The following B3GALT5 variants were observed in gnomAD, a reference collection of about 807,000 sequenced individuals.
B3GALT5 encodes the protein beta-1,3-galactosyltransferase 5.
For synonymous variants in B3GALT5, 156 were observed against 158.6 expected (o/e 0.98, Z 0.12); for missense variants, 328 against 396.6 (o/e 0.83, Z 1.47).
At position 39,656,902 on chromosome 21, in the gene B3GALT5, T is replaced by C. The variant is rs79789983; in HGVS notation, c.-160-2851T>C. ...CAAAATGTACCCAGCAACCAGCTTGTGCACAGTTCTCTGGGGTTTCAGGAG... is the reference window on the plus strand; with the variant it reads ...CAAAATGTACCCAGCAACCAGCTTGCGCACAGTTCTCTGGGGTTTCAGGAG... On this transcript the variant is annotated intron_variant, in intron 2 of 3. Transcript: ENST00000684187. Among the ~76,000 whole-genome samples the C allele has an allele frequency of 6.0e-3, 917 of 152,328 alleles. 10 individuals carry two copies. Among genetic ancestry groups the C allele is most frequent in the African/African-American group, 0.021 (878 of 41,578 alleles).
In B3GALT5 at chr21:39,669,223, G is replaced by A. The variant is rs539088888; in HGVS notation, c.*7731G>A. On this transcript the variant is annotated 3_prime_UTR_variant, in exon 4 of 4. Transcript: ENST00000684187. Reference sequence around the variant, plus strand: ...CAGAATATGTGAAAATCTGAATGAGGTAAAAGAAGTTGGAGCTGGAAGATG... The same window carrying A: ...CAGAATATGTGAAAATCTGAATGAGATAAAAGAAGTTGGAGCTGGAAGATG... The A allele has an allele frequency of 2.0e-5, 3 of 152,116 alleles. No homozygotes were observed. The highest frequency in any genetic ancestry group is 7.2e-5 in the African/African-American group (3 of 41,400). 9.4% of individuals were successfully genotyped at this position (152,116 alleles called of 1,614,324 possible). A position where few individuals can be genotyped will look rare whatever the true frequency, so the allele number is the denominator to read the frequency against.
At chr21:39,620,990 T>C (rs1204751696) in intron 1 of B3GALT5, among the ~76,000 whole-genome samples, 1 of 152,190 alleles carries the variant, frequency 6.6e-6, no homozygotes, top group African/African-American at 2.4e-5. Context: ...ACAGGTTAGG[T>C]ACAATGGCTC....
intron 1 of B3GALT5, among the ~76,000 whole-genome samples, chr21:39,621,301 T>C (rs2079132999): frequency 6.6e-6 from 1 of 152,204 alleles, no homozygotes; most frequent in African/African-American, 2.4e-5. Flanking sequence ...AATCATAGAC[T>C]TTTTCTTCCT....
chr21:39,652,338 A>G (rs2079403891), intron 2 of B3GALT5, among the ~76,000 whole-genome samples: 1 of 152,272 alleles, frequency 6.6e-6, no homozygotes, highest in African/African-American at 2.4e-5. Flanking sequence ...GCCTCTGGCA[A>G]GGTAGACCTT....
chr21:39,620,420 G>A (rs1420362855), intron 1 of B3GALT5, among the ~76,000 whole-genome samples: 1 of 152,170 alleles, frequency 6.6e-6, no homozygotes, highest in Non-Finnish European at 1.5e-5. Context: ...TAAATGTGAT[G>A]CATTTTCTAT....
chr21:39,665,817 CA>C lies in B3GALT5; in HGVS notation c.*4326del, dbSNP rs1350992832. On this transcript the variant is annotated 3_prime_UTR_variant, in exon 4 of 4. Coordinates refer to ENST00000684187, the MANE Select transcript of B3GALT5 (RefSeq NM_001356336.2). Reference sequence around the variant, plus strand: ...TTGCACTTACCAATTTCTAACAAAGCATGTAATATCTGTTTATTATAACATA... The same window carrying C: ...TTGCACTTACCAATTTCTAACAAAGCTGTAATATCTGTTTATTATAACATA... 2 of 152,242 alleles carry C rather than the reference CA, an allele frequency of 1.3e-5. No homozygotes were observed. Among genetic ancestry groups the C allele is most frequent in the African/African-American group, 4.8e-5 (2 of 41,456 alleles). 9.4% of individuals were successfully genotyped at this position (152,242 alleles called of 1,614,324 possible).
rs562630103 is a variant in B3GALT5, at chr21:39,671,901, G to A, written c.*10409G>A. The A allele has an allele frequency of 3.9e-5, 6 of 152,284 alleles. No homozygotes were observed. Among genetic ancestry groups the A allele is most frequent in the Admixed American group, 2.6e-4 (4 of 15,300 alleles). 9.4% of individuals were successfully genotyped at this position (152,284 alleles called of 1,614,324 possible). On this transcript the variant is annotated 3_prime_UTR_variant, in exon 4 of 4. Transcript: ENST00000684187. ...GGGAACCTGTCCACCCTCTGCACAG[G>A]GCAAGAGCCACGCCAACAGGAGGAA...
rs978863817 is a variant in B3GALT5 at position 39,663,799 on chromosome 21, G to A, written c.*2307G>A. On this transcript the variant is annotated 3_prime_UTR_variant, in exon 4 of 4. Transcript: ENST00000684187. ...GGACCTTCCCAGCTTGTTTGTTGCA[G>A]AAGGAGGGTTCCAGCTCAGCGTGGG... 1 of 152,272 alleles carries A rather than the reference G, an allele frequency of 6.6e-6. No homozygotes were observed. The highest frequency in any genetic ancestry group is 2.4e-5 in the African/African-American group (1 of 41,444). 9.4% of individuals were successfully genotyped at this position (152,272 alleles called of 1,614,324 possible).
intron 1 of B3GALT5, among the ~76,000 whole-genome samples, chr21:39,632,031 G>A (rs1295233693): frequency 6.6e-6 from 1 of 152,220 alleles, no homozygotes. Context: ...GGAGGTGATG[G>A]ATTGCCACTG....
chr21:39,621,959 G>C (rs989182099), intron 1 of B3GALT5, among the ~76,000 whole-genome samples: 1 of 151,682 alleles, frequency 6.6e-6, no homozygotes, highest in Admixed American at 6.6e-5. Context: ...AATGTTTATT[G>C]CTCTTTTTTC....
intron 1 of B3GALT5, among the ~76,000 whole-genome samples, chr21:39,637,221 G>A (rs942291833): frequency 5.9e-5 from 9 of 152,328 alleles, no homozygotes; most frequent in Admixed American, 2.0e-4. Context: ...GGGGCATTGT[G>A]GCAGATGTCT....
At chr21:39,613,422 T>C (rs2079091171) in intron 1 of B3GALT5, among the ~76,000 whole-genome samples, 1 of 152,096 alleles carries the variant, frequency 6.6e-6, no homozygotes, top group South Asian at 2.1e-4. Flanking sequence ...TGGCCTAATC[T>C]TAAGCAACAA....
At chr21:39,654,949 T>C (rs1481897731) in intron 2 of B3GALT5, among the ~76,000 whole-genome samples, 1 of 152,258 alleles carries the variant, frequency 6.6e-6, no homozygotes, top group Non-Finnish European at 1.5e-5. Flanking sequence ...AAGTATTTGC[T>C]CTTTTATGAT....
At chr21:39,618,271 C>T (rs2035787696) in intron 1 of B3GALT5, among the ~76,000 whole-genome samples, 1 of 152,188 alleles carries the variant, frequency 6.6e-6, no homozygotes, top group African/African-American at 2.4e-5. Flanking sequence ...CATTCTTATA[C>T]ATATCTCCTT....
chr21:39,625,357 G>T (rs1285618047), intron 1 of B3GALT5, among the ~76,000 whole-genome samples: 1 of 152,188 alleles, frequency 6.6e-6, no homozygotes, highest in Non-Finnish European at 1.5e-5. Context: ...CACCTCGGTT[G>T]ACCCGGCTGC....
At chr21:39,630,031 A>G (rs977287107) in intron 1 of B3GALT5, among the ~76,000 whole-genome samples, 1 of 152,214 alleles carries the variant, frequency 6.6e-6, no homozygotes, top group Non-Finnish European at 1.5e-5. Flanking sequence ...TATATTCTCA[A>G]TAAAATTTTT....
chr21:39,627,281 C>A (rs1404430690), intron 1 of B3GALT5, among the ~76,000 whole-genome samples: 1 of 152,146 alleles, frequency 6.6e-6, no homozygotes, highest in Non-Finnish European at 1.5e-5. Flanking sequence ...GGGGAACGAG[C>A]AGGAAGTTTA....
chr21:39,660,950 CTG>C lies in B3GALT5; in HGVS notation c.392_393del (p.Leu131HisfsTer33). ...QKDFLDVYYNLTLKTMMGIEW... is the reference protein window; with the variant it reads ...QKDFLDVYYNXTLKTMMGIEW... ...GGATTTCCTAGACGTCTATTACAAT[CTG>C]ACCCTGAAGACCATGATGGGCATAG... On this transcript the variant is annotated frameshift_variant, in exon 4 of 4. Coordinates refer to ENST00000684187, the MANE Select transcript of B3GALT5 (RefSeq NM_001356336.2). LOFTEE classifies it low-confidence loss of function (END_TRUNC). The C allele has an allele frequency of 6.2e-7, 1 of 1,606,738 alleles. No homozygotes were observed. Among genetic ancestry groups the C allele is most frequent in the African/African-American group, 1.3e-5 (1 of 74,842 alleles).
intron 2 of B3GALT5, among the ~76,000 whole-genome samples, chr21:39,655,046 T>G (rs2079429150): frequency 6.6e-6 from 1 of 152,206 alleles, no homozygotes. Context: ...CATGAGGAAA[T>G]GCTCATGCAA....
Sources: gnomAD v4.1 joint callset for allele counts (sites outside exome capture counted in the v4.1 genomes callset) on GRCh38, gnomAD v4.1.1 for gene constraint, MANE v1.5 for transcripts, NCBI Gene and HGNC (gene_info 2026-07-23, HGNC 2026-07-21) for gene names.